SERPINB11: variants seen among roughly 807,000 people sequenced by gnomAD.
The protein encoded by SERPINB11 is serpin family B member 11.
Under a neutral mutation model 36.7 loss-of-function variants are expected in SERPINB11, and 32 were observed. The ratio of observed to expected loss-of-function variants is 0.87; its 90% CI spans 0.66 to 1.17. The LOEUF (loss-of-function observed/expected upper bound fraction) is 1.17. SERPINB11 is among the 50% of genes most tolerant of loss of function. SERPINB11 has a pLI of 0.00. For synonymous variants in SERPINB11, 174 were observed against 168.1 expected (o/e 1.04, Z -0.27); for missense variants, 528 against 458.4 (o/e 1.15, Z -1.39).
rs1344737542 is a variant in SERPINB11 at position 63,723,384 on chromosome 18, G to T, written c.1164G>T (p.Lys388Asn). ...CCAACACGATCCTATTCTGTGGCAA[G>T]CTTGCCTCTCCCTAATCAGATGGGG... Reference protein sequence around the residue: ...THTNTILFCGKLASP With the variant: ...THTNTILFCGNLASP Residue 388 changes from lysine to asparagine, a missense_variant, in exon 8 of 8, where the codon AAG becomes AAT. Coordinates refer to ENST00000544088, the MANE Select transcript of SERPINB11 (RefSeq NM_001370475.1). 2 of 1,605,938 alleles carry T rather than the reference G, an allele frequency of 1.2e-6. No individual in the cohort carries two copies. Among genetic ancestry groups the T allele is most frequent in the Admixed American group, 1.7e-5 (1 of 59,552 alleles).
At chr18:63,715,284 C>T (rs1053167783) in intron 4 of SERPINB11, among the ~76,000 whole-genome samples, 1 of 152,036 alleles carries the variant, frequency 6.6e-6, no homozygotes, top group Admixed American at 6.6e-5. Context: ...GTTGTCTTGG[C>T]AGAAAGACAA....
chr18:63,720,978 C>T lies in SERPINB11; in HGVS notation c.766C>T (p.Leu256=), dbSNP rs1407915426. ...IILLPVGIAN[L]KQIEKQLNSG... is the part of the protein sequence containing the mutation. ...TCTGCTTCCAGTAGGCATAGCTAAT[C>T]TGAAACAGGTAAAATTATAAGAATG... Residue 256 remains leucine, a synonymous_variant, in exon 7 of 8, where the codon CTG becomes TTG. Coordinates refer to ENST00000544088, the MANE Select transcript of SERPINB11 (RefSeq NM_001370475.1). 1.2e-6 allele frequency: 2 copies of T among 1,607,432 alleles called. No homozygotes were observed. The highest frequency in any genetic ancestry group is 1.7e-6 in the Non-Finnish European group (2 of 1,177,364).
At chr18:63,713,846 G>A (rs1225457476) in intron 4 of SERPINB11, among the ~76,000 whole-genome samples, 2 of 152,186 alleles carry the variant, frequency 1.3e-5, no homozygotes, top group Non-Finnish European at 2.9e-5. Context: ...CCAGAAGTGA[G>A]AAGGTCCTCA....
intron 1 of SERPINB11, among the ~76,000 whole-genome samples, chr18:63,705,950 A>G (rs1373433352): frequency 6.6e-6 from 1 of 152,244 alleles, no homozygotes; most frequent in Non-Finnish European, 1.5e-5. Context: ...ATTACCACAC[A>G]TAATACAGAG....
intron 6 of SERPINB11, chr18:63,720,371 C>G (rs1212081760): frequency 7.8e-6 from 4 of 514,434 alleles, no homozygotes; most frequent in Non-Finnish European, 1.3e-5. Context: ...TACTAAGATT[C>G]TCTGGCAGAG....
chr18:63,720,233 G>A, intron 6 of SERPINB11, 78 bp downstream of exon 6: 2 of 1,253,792 alleles, frequency 1.6e-6, no homozygotes, highest in African/African-American at 1.6e-5. Context: ...GAAAGATGTA[G>A]TGATTTAGTG....
At chr18:63,721,724 G>A (rs1161885264) in intron 7 of SERPINB11, among the ~76,000 whole-genome samples, 2 of 152,152 alleles carry the variant, frequency 1.3e-5, no homozygotes, top group African/African-American at 4.8e-5. Context: ...AAGTGTGTGT[G>A]TGTCGGGTGG....
intron 7 of SERPINB11, among the ~76,000 whole-genome samples, chr18:63,722,737 T>C (rs752066250): frequency 1.4e-4 from 22 of 152,140 alleles, no homozygotes; most frequent in Non-Finnish European, 2.6e-4. Context: ...GAAGCATGTA[T>C]GCTGAGGGAA....
At chr18:63,714,068 G>A (rs1203775680) in intron 4 of SERPINB11, among the ~76,000 whole-genome samples, 4 of 152,100 alleles carry the variant, frequency 2.6e-5, no homozygotes, top group Non-Finnish European at 5.9e-5. Context: ...TTCAATGTAG[G>A]TTCTTTTCTG....
chr18:63,710,913 C>A (rs1389841088), intron 2 of SERPINB11, among the ~76,000 whole-genome samples: 1 of 152,158 alleles, frequency 6.6e-6, no homozygotes, highest in Non-Finnish European at 1.5e-5. Flanking sequence ...TATCACTTAA[C>A]AACTCTTAGG....
intron 1 of SERPINB11, among the ~76,000 whole-genome samples, chr18:63,706,305 A>T (rs1914371581): frequency 6.6e-6 from 1 of 152,248 alleles, no homozygotes; most frequent in South Asian, 2.1e-4. Context: ...GCCTGATAAA[A>T]GATTAAAAGC....
intron 1 of SERPINB11, among the ~76,000 whole-genome samples, chr18:63,706,361 T>A (rs9973096): frequency 6.6e-6 from 1 of 152,004 alleles, no homozygotes; most frequent in Non-Finnish European, 1.5e-5. Flanking sequence ...CATATCCCAG[T>A]GAACACATCT....
Position 63,723,196 on chromosome 18 carries a change from C to A in SERPINB11, c.976C>A (p.Leu326Ile). 6.2e-7 allele frequency: 1 copy of A among 1,613,630 alleles called. No individual in the cohort carries two copies. Among genetic ancestry groups the A allele is most frequent in the Non-Finnish European group, 8.5e-7 (1 of 1,179,746 alleles). Reference protein sequence around the residue: ...DLSGMSPTKGLYLSKAIHKSY... With the variant: ...DLSGMSPTKGIYLSKAIHKSY... ...TTCTGGAATGTCACCAACCAAGGGC[C>A]TATATTTATCAAAAGCCATCCACAA... The change falls in exon 8 of 8, where the codon CTA becomes ATA. Residue 326 changes from leucine (L) to isoleucine (I), a missense_variant. By Grantham distance (5) the Leu-to-Ile change is conservative (BLOSUM62 2). Transcript: ENST00000544088.
chr18:63,705,373 T>C (rs1914345437), intron 1 of SERPINB11: 2 of 152,238 alleles, frequency 1.3e-5, no homozygotes, highest in African/African-American at 4.8e-5. Flanking sequence ...ATAACTTCAT[T>C]TATGAAAATT....
chr18:63,714,314 G>A (rs750156803), intron 4 of SERPINB11, among the ~76,000 whole-genome samples: 9 of 152,158 alleles, frequency 5.9e-5, no homozygotes, highest in Non-Finnish European at 1.2e-4. Context: ...CAAGGCAAAT[G>A]GGGGCAGAGC....
rs1914558443 is a variant in SERPINB11, at chr18:63,712,663, C to G, written c.327C>G (p.Leu109=). 6.2e-7 allele frequency: 1 copy of G among 1,613,788 alleles called. No individual in the cohort carries two copies. The highest frequency in any genetic ancestry group is 8.5e-7 in the Non-Finnish European group (1 of 1,179,730). The change falls in exon 4 of 8, where the codon CTC becomes CTG. Residue 109 remains leucine, a synonymous_variant. Transcript: ENST00000544088. Reference sequence around the variant, plus strand: ...GTACCCTCAGCATTGCCAACAGGCTCTACGGGACAAAGACGATGGCATTTC... The same window carrying G: ...GTACCCTCAGCATTGCCAACAGGCTGTACGGGACAAAGACGATGGCATTTC... ...SNCTLSIANR[L]YGTKTMAFHQ... is the part of the protein sequence containing the mutation.
chr18:63,707,416 G>A (rs960501312), intron 1 of SERPINB11, among the ~76,000 whole-genome samples: 2 of 152,172 alleles, frequency 1.3e-5, no homozygotes, highest in African/African-American at 4.8e-5. Context: ...GGCATGCAAG[G>A]CTTCTAAGGC....
At position 63,723,611 on chromosome 18, in the gene SERPINB11, G is replaced by T; in HGVS notation, c.*212G>T. The T allele has an allele frequency of 4.2e-6, 2 of 471,084 alleles. No individual in the cohort carries two copies. Among genetic ancestry groups the T allele is most frequent in the East Asian group, 3.2e-5 (1 of 31,012 alleles). 29.2% of individuals were successfully genotyped at this position (471,084 alleles called of 1,614,324 possible). A position where few individuals can be genotyped will look rare whatever the true frequency, so the allele number is the denominator to read the frequency against. On this transcript the variant is annotated 3_prime_UTR_variant, in exon 8 of 8. Transcript: ENST00000544088. ...GGAAAAAGGTAGATTTATGCAGAAAGCCTTTCTGGCTTTCTTATCTGTGGT... is the reference window on the plus strand; with the variant it reads ...GGAAAAAGGTAGATTTATGCAGAAATCCTTTCTGGCTTTCTTATCTGTGGT...
intron 2 of SERPINB11, among the ~76,000 whole-genome samples, chr18:63,710,607 T>A (rs565141913): frequency 1.3e-5 from 2 of 152,278 alleles, no homozygotes; most frequent in South Asian, 4.1e-4. Context: ...CACAAATAAA[T>A]CTCTGCAGTT....
Sources: gnomAD v4.1 joint callset for allele counts (sites outside exome capture counted in the v4.1 genomes callset) on GRCh38, gnomAD v4.1.1 for gene constraint, MANE v1.5 for transcripts, NCBI Gene and HGNC (gene_info 2026-07-23, HGNC 2026-07-21) for gene names.